RBFOX3: variants seen among roughly 807,000 people sequenced by gnomAD.
RBFOX3 encodes RNA binding protein fox-1 homolog 3.
Under a neutral mutation model 48.7 loss-of-function variants are expected in RBFOX3, and 17 were observed. The observed-to-expected ratio is 0.35, with a 90% CI of 0.24 to 0.52. The LOEUF is 0.52. RBFOX3 is among the 20% of genes least tolerant of loss of function. The pLI, the probability that RBFOX3 is intolerant of heterozygous loss-of-function variation, is 0.94. For missense variants in RBFOX3, 382 were observed against 497.5 expected (o/e 0.77, Z 2.21); for synonymous variants, 212 against 209.5 (o/e 1.01, Z -0.10).
rs534367548 is a variant in RBFOX3 at position 79,220,053 on chromosome 17, G to A, written c.-34+15713C>T. 1.9e-3 allele frequency among the ~76,000 whole-genome samples: 288 copies of A among 149,962 alleles called. No homozygotes were observed. Among genetic ancestry groups the A allele is most frequent in the African/African-American group, 6.5e-3 (268 of 41,118 alleles). ...GCACCCCTGCCTGCTGGGCCCTGGG[G>A]GAAGGGTGGCATGGCCTGGGAAGGC... On this transcript the variant is annotated intron_variant, in intron 4 of 14. Transcript: ENST00000693108. This position sits in a 1 kb window ranked among gnomAD's most constrained non-coding sequence, Gnocchi z 5.9.
chr17:79,348,864 C>T (rs531399231), intron 2 of RBFOX3, among the ~76,000 whole-genome samples: 23 of 152,070 alleles, frequency 1.5e-4, no homozygotes, highest in African/African-American at 5.1e-4. Flanking sequence ...ACATGAGCCA[C>T]CACCCCCGGC....
chr17:79,642,790 G>A, the RBFOX3 span, among the ~76,000 whole-genome samples: 4 of 152,158 alleles, frequency 2.6e-5, no homozygotes. Context: ...GAAAATGATA[G>A]ATCAATTCTA....
intron 3 of RBFOX3, among the ~76,000 whole-genome samples, chr17:79,276,536 T>C (rs2068868162): frequency 6.6e-6 from 1 of 151,810 alleles, no homozygotes; most frequent in Non-Finnish European, 1.5e-5. Context: ...AAATACAAAA[T>C]CAGCTGGGTC....
chr17:79,484,088 G>C (rs957863712), intron 1 of RBFOX3, among the ~76,000 whole-genome samples: 3 of 152,220 alleles, frequency 2.0e-5, no homozygotes, highest in South Asian at 4.1e-4. Context: ...AGAGTCATGA[G>C]ATCAGGGTGG....
intron 4 of RBFOX3, among the ~76,000 whole-genome samples, chr17:79,157,443 G>A (rs1338549227): frequency 6.6e-6 from 1 of 152,210 alleles, no homozygotes; most frequent in Non-Finnish European, 1.5e-5. Flanking sequence ...GAGGGAACCT[G>A]CCAAGAACAC....
chr17:79,590,172 G>A (rs1470685445), intron 1 of RBFOX3, among the ~76,000 whole-genome samples: 2 of 151,918 alleles, frequency 1.3e-5, no homozygotes, highest in Admixed American at 6.6e-5. Flanking sequence ...ATCCCCATCC[G>A]TCCTATACCC....
intron 4 of RBFOX3, among the ~76,000 whole-genome samples, chr17:79,160,034 G>A (rs1279695439): frequency 2.6e-5 from 4 of 152,254 alleles, no homozygotes; most frequent in African/African-American, 9.6e-5. Flanking sequence ...CCTGGCCCCA[G>A]GAAGGGCCAA....
chr17:79,279,226 G>T (rs559395566), intron 3 of RBFOX3, among the ~76,000 whole-genome samples: 1 of 152,204 alleles, frequency 6.6e-6, no homozygotes, highest in South Asian at 2.1e-4. Context: ...ATACAGAATT[G>T]GATTAGCAGG....
intron 2 of RBFOX3, among the ~76,000 whole-genome samples, chr17:79,389,621 A>T (rs2061072753): frequency 6.6e-6 from 1 of 152,148 alleles, no homozygotes; most frequent in African/African-American, 2.4e-5. Context: ...TTACCGACAC[A>T]TGACACATGA....
intron 3 of RBFOX3, among the ~76,000 whole-genome samples, chr17:79,274,789 C>T (rs776136379): frequency 7.9e-5 from 12 of 152,102 alleles, no homozygotes; most frequent in South Asian, 4.1e-4. Flanking sequence ...CCAGGAGGCA[C>T]GCTTGGCTCC....
At chr17:79,416,952 G>A (rs2065467718) in intron 2 of RBFOX3, among the ~76,000 whole-genome samples, 1 of 152,248 alleles carries the variant, frequency 6.6e-6, no homozygotes, top group Non-Finnish European at 1.5e-5. Flanking sequence ...CCGCATCCGA[G>A]GAATACCACA....
the RBFOX3 span, among the ~76,000 whole-genome samples, chr17:79,645,503 C>T: frequency 1.3e-5 from 2 of 152,204 alleles, no homozygotes; most frequent in African/African-American, 4.8e-5. Flanking sequence ...CTAAGCGAGG[C>T]TTGCCTGAGG....
chr17:79,154,606 C>A (rs374271104), intron 4 of RBFOX3, among the ~76,000 whole-genome samples: 3 of 152,368 alleles, frequency 2.0e-5, no homozygotes, highest in African/African-American at 7.2e-5. Flanking sequence ...GGCTGCCCAG[C>A]CGGGCATGAG....
intron 3 of RBFOX3, among the ~76,000 whole-genome samples, chr17:79,257,728 A>T (rs962229879): frequency 6.6e-6 from 1 of 151,940 alleles, no homozygotes; most frequent in African/African-American, 2.4e-5. Context: ...CTACAGGCAC[A>T]TGGCACCACA....
upstream of RBFOX3, among the ~76,000 whole-genome samples, chr17:79,613,026 C>T (rs1250754572): frequency 2.0e-5 from 3 of 152,266 alleles, no homozygotes; most frequent in Non-Finnish European, 4.4e-5. Context: ...CTCCGTCTCC[C>T]TTCAGCTCCC....
At chr17:79,422,621 G>A (rs376199436) in intron 2 of RBFOX3, among the ~76,000 whole-genome samples, 2 of 152,312 alleles carry the variant, frequency 1.3e-5, no homozygotes, top group South Asian at 2.1e-4. Context: ...GGGCCAGGCT[G>A]GGCAGATGCT....
chr17:79,645,440 A>G, the RBFOX3 span, among the ~76,000 whole-genome samples: 5 of 152,126 alleles, frequency 3.3e-5, no homozygotes, highest in Admixed American at 3.3e-4. Flanking sequence ...AATCCTCCTC[A>G]GATATCCTCA....
intron 4 of RBFOX3, among the ~76,000 whole-genome samples, chr17:79,160,758 T>A (rs2046808198): frequency 6.6e-6 from 1 of 152,118 alleles, no homozygotes; most frequent in Non-Finnish European, 1.5e-5. Context: ...GGTGAGTGGA[T>A]CATTTGAGGT....
intron 11 of RBFOX3, 103 bp from the exon 12 acceptor site, chr17:79,096,936 C>T (rs992794889): frequency 3.3e-6 from 2 of 607,868 alleles, no homozygotes; most frequent in South Asian, 3.9e-5. Flanking sequence ...CTGTGCCCCC[C>T]ACCCCTTTAG....
Sources: gnomAD v4.1 joint callset for allele counts (sites outside exome capture counted in the v4.1 genomes callset) on GRCh38, gnomAD v4.1.1 for gene constraint, Gnocchi (gnomAD v3.1) non-coding constraint, MANE v1.5 for transcripts, NCBI Gene and HGNC (gene_info 2026-07-23, HGNC 2026-07-21) for gene names.